PTGFRN: variants seen among roughly 807,000 people sequenced by gnomAD.
The protein encoded by PTGFRN is prostaglandin F2 receptor negative regulator.
A neutral mutation model predicts 83.2 loss-of-function variants in PTGFRN; 35 were observed. The observed-to-expected ratio is 0.42, with a 90% CI of 0.32 to 0.56. PTGFRN has a LOEUF of 0.56. Among genes scored for constraint, PTGFRN ranks in the 20% least tolerant of loss-of-function variants. The pLI is 0.11. For missense variants in PTGFRN, 1,051 were observed against 1,179.5 expected (o/e 0.89, Z 1.60); for synonymous variants, 519 against 498.6 (o/e 1.04, Z -0.55).
intron 6 of PTGFRN, among the ~76,000 whole-genome samples, chr1:116,967,668 A>G (rs1048437145): frequency 1.3e-5 from 2 of 152,218 alleles, no homozygotes; most frequent in Non-Finnish European, 2.9e-5. Context: ...CATTTCACAT[A>G]AATGGAATAT....
At position 116,967,046 on chromosome 1, in the gene PTGFRN, C is replaced by G; in HGVS notation, c.1775C>G (p.Pro592Arg). 1.2e-6 allele frequency: 2 copies of G among 1,614,192 alleles called. No homozygotes were observed. Among genetic ancestry groups the G allele is most frequent in the South Asian group, 1.1e-5 (1 of 91,084 alleles). The change falls in exon 6 of 9, where the codon CCT becomes CGT. Residue 592 changes from proline to arginine, a missense_variant. Around this residue, in one of 3 missense-constraint regions of PTGFRN, gnomAD observed 719 missense variants for 836.6 expected, o/e 0.86. Transcript: ENST00000393203. Reference protein sequence around the residue: ...RYSVLIMAEKPVGDLSSPNET... With the variant: ...RYSVLIMAEKRVGDLSSPNET... ...TCTGTTCTCATCATGGCTGAGAAGCCTGTCGGCGACCTCTCCAGTCCCAAT... is the reference window on the plus strand; with the variant it reads ...TCTGTTCTCATCATGGCTGAGAAGCGTGTCGGCGACCTCTCCAGTCCCAAT...
intron 5 of PTGFRN, among the ~76,000 whole-genome samples, chr1:116,966,262 ACAC>A (rs1650827994): frequency 5.3e-5 from 8 of 152,284 alleles, no homozygotes; most frequent in Non-Finnish European, 8.8e-5. Context: ...GTAGCCATAG[ACAC>A]CTCTCAAAAT....
At chr1:116,964,720 C>G (rs374257554) in intron 5 of PTGFRN, among the ~76,000 whole-genome samples, 2 of 152,220 alleles carry the variant, frequency 1.3e-5, no homozygotes, top group Admixed American at 6.5e-5. Context: ...AGCTTCTGTT[C>G]AAAAGGACGC....
Position 116,944,845 on chromosome 1 carries a change from C to T in PTGFRN, c.585C>T (p.Ser195=). 1.9e-6 allele frequency: 3 copies of T among 1,591,756 alleles called. No individual in the cohort carries two copies. The highest frequency in any genetic ancestry group is 1.7e-6 in the Non-Finnish European group (2 of 1,171,178). The change falls in exon 3 of 9, where the codon AGC becomes AGT. Residue 195 remains serine (S), a synonymous_variant. Coordinates refer to ENST00000393203, the MANE Select transcript of PTGFRN (RefSeq NM_020440.4). ...TGCACCGCGGCCCGGCCAGGCGGAG[C>T]GTCCTCGCCCTGACCCACGAGGGCA... ...WEVHRGPARR[S]VLALTHEGRF... is the part of the protein sequence containing the mutation.
chr1:116,959,783 G>A (rs903025609), intron 4 of PTGFRN, among the ~76,000 whole-genome samples: 1 of 152,072 alleles, frequency 6.6e-6, no homozygotes, highest in Non-Finnish European at 1.5e-5. Context: ...AGACCAGCCT[G>A]TCCAACATGG....
chr1:116,954,738 T>C (rs1650441528), intron 4 of PTGFRN, among the ~76,000 whole-genome samples: 1 of 151,290 alleles, frequency 6.6e-6, no homozygotes, highest in South Asian at 2.1e-4. Flanking sequence ...CCTATAATTC[T>C]GCTCTCACAC....
intron 1 of PTGFRN, among the ~76,000 whole-genome samples, chr1:116,940,157 A>C (rs1650023728): frequency 6.6e-6 from 1 of 152,268 alleles, no homozygotes. Context: ...ACAAAGTAGC[A>C]TGAACCAGGT....
At position 116,923,231 on chromosome 1, in the gene PTGFRN, A is replaced by G. The variant is rs1033687625; in HGVS notation, c.49+12979A>G. On this transcript the variant is annotated intron_variant, in intron 1 of 8. Transcript: ENST00000393203. This position sits in a 1 kb window ranked among gnomAD's most constrained non-coding sequence, Gnocchi z 4.0. The stretch of plus-strand genomic sequence containing the variant: ...AATGTATGTGCTTAGAAAAATGCCT[A>G]TAAGGTGTGTATATTATATATATTT... Among the ~76,000 whole-genome samples, 3 of 152,232 alleles carry G rather than the reference A, an allele frequency of 2.0e-5. No homozygotes were observed. Among genetic ancestry groups the G allele is most frequent in the South Asian group, 2.1e-4 (1 of 4,830 alleles).
intron 7 of PTGFRN, among the ~76,000 whole-genome samples, chr1:116,975,519 G>C (rs910349317): frequency 1.3e-5 from 2 of 152,214 alleles, no homozygotes; most frequent in African/African-American, 4.8e-5. Flanking sequence ...ACCCCTCTGA[G>C]ACGAAGCTTC....
chr1:116,951,937 A>G (rs1650364885), intron 4 of PTGFRN, among the ~76,000 whole-genome samples: 1 of 152,218 alleles, frequency 6.6e-6, no homozygotes, highest in African/African-American at 2.4e-5. Flanking sequence ...AGTGACCAAA[A>G]AAGATAGACA....
At chr1:116,982,214 T>A (rs1406511016) in intron 7 of PTGFRN, among the ~76,000 whole-genome samples, 2 of 152,218 alleles carry the variant, frequency 1.3e-5, no homozygotes, top group Admixed American at 6.5e-5. Flanking sequence ...ATCCTTTAAA[T>A]GCTCTTTCTC....
intron 3 of PTGFRN, among the ~76,000 whole-genome samples, chr1:116,947,196 CT>C (rs1650222767): frequency 6.6e-6 from 1 of 152,214 alleles, no homozygotes; most frequent in African/African-American, 2.4e-5. Context: ...CTTATATATT[CT>C]TATCACATTG....
intron 1 of PTGFRN, among the ~76,000 whole-genome samples, chr1:116,931,442 A>G (rs929649503): frequency 2.6e-5 from 4 of 151,528 alleles, no homozygotes; most frequent in African/African-American, 9.7e-5. Flanking sequence ...TGAATGAGTT[A>G]TCTTATCTTA....
In PTGFRN at chr1:116,952,348, G is replaced by A. The variant is rs1487879943; in HGVS notation, c.1213+2776G>A. On this transcript the variant is annotated intron_variant, in intron 4 of 8. Coordinates refer to ENST00000393203, the MANE Select transcript of PTGFRN (RefSeq NM_020440.4). This position sits in a 1 kb window ranked among gnomAD's most constrained non-coding sequence, Gnocchi z 4.0. ...GTGCTAAGCAGGAAGACGGGGCAAT[G>A]ACATGAATGGGCCTGGCAAGTCCAG... 6.6e-6 allele frequency among the ~76,000 whole-genome samples: 1 copy of A among 152,106 alleles called. No homozygotes were observed. The highest frequency in any genetic ancestry group is 1.9e-4 in the East Asian group (1 of 5,188).
At chr1:116,940,575 A>G (rs1476263093) in intron 1 of PTGFRN, among the ~76,000 whole-genome samples, 1 of 152,202 alleles carries the variant, frequency 6.6e-6, no homozygotes, top group Non-Finnish European at 1.5e-5. Context: ...AATTCAACCT[A>G]TAACAAATGA....
At chr1:116,983,563 G>A (rs1162543597) in intron 7 of PTGFRN, among the ~76,000 whole-genome samples, 1 of 150,722 alleles carries the variant, frequency 6.6e-6, no homozygotes, top group Non-Finnish European at 1.5e-5. Flanking sequence ...GAGAAAAAGA[G>A]AAGATATTAC....
At chr1:116,984,575 T>C (rs1651407142) in intron 7 of PTGFRN, 105 bp from the exon 8 acceptor site, 2 of 1,049,930 alleles carry the variant, frequency 1.9e-6, no homozygotes, top group South Asian at 3.1e-5. Flanking sequence ...AGGCATGTAG[T>C]GTTGTGCTTG....
chr1:116,924,143 A>ATTTTT (rs147663868), intron 1 of PTGFRN, among the ~76,000 whole-genome samples: 20 of 116,124 alleles, frequency 1.7e-4, no homozygotes, highest in African/African-American at 2.6e-4. Context: ...CTGTGCATGT[A>ATTTTT]TTTTTTTTTT....
In PTGFRN at chr1:116,967,054, G is replaced by A. The variant is rs746923155; in HGVS notation, c.1783G>A (p.Asp595Asn). 53 of 1,614,038 alleles carry A rather than the reference G, an allele frequency of 3.3e-5. No individual in the cohort carries two copies. Among genetic ancestry groups the A allele is most frequent in the Middle Eastern group, 1.6e-4 (1 of 6,084 alleles). The change falls in exon 6 of 9, where the codon GAC becomes AAC. Residue 595 changes from aspartate to asparagine, a missense_variant. Asp to Asn is a conservative substitution (Grantham distance 23). Transcript: ENST00000393203. ...CATCATGGCTGAGAAGCCTGTCGGC[G>A]ACCTCTCCAGTCCCAATGAAACGAA... ...VLIMAEKPVG[D>N]LSSPNETKYI...
Sources: gnomAD v4.1 joint callset for allele counts (sites outside exome capture counted in the v4.1 genomes callset) on GRCh38, gnomAD v4.1.1 for gene constraint, gnomAD v4.1.1 regional missense constraint, Gnocchi (gnomAD v3.1) non-coding constraint, MANE v1.5 for transcripts, NCBI Gene and HGNC (gene_info 2026-07-23, HGNC 2026-07-21) for gene names.